Variants in EFR3A observed in about 807,000 individuals in gnomAD.
The protein encoded by EFR3A is protein EFR3 homolog A.
In EFR3A, 76 loss-of-function variants were observed where a neutral mutation model predicts 104.4. That is an observed-to-expected ratio of 0.73 (90% CI 0.60 to 0.88). The LOEUF is 0.88. EFR3A is among the 40% of genes least tolerant of loss of function. The pLI, the probability that EFR3A is intolerant of heterozygous loss-of-function variation, is 0.00. For missense variants in EFR3A, 985 were observed against 1,012.5 expected, an observed-to-expected ratio of 0.97 and a Z score of 0.37; for synonymous variants, 330 against 330.0, an observed-to-expected ratio of 1.00 and a Z score of 0.00.
intron 19 of EFR3A, 85 bp from the exon 20 acceptor site, chr8:132,001,674 C>A: frequency 1.7e-6 from 2 of 1,210,746 alleles, no homozygotes; most frequent in Middle Eastern, 1.9e-4. Flanking sequence ...ATCTGAAAAA[C>A]TTCTTAGATG....
chr8:131,939,221 T>C (rs1248679079), intron 1 of EFR3A, among the ~76,000 whole-genome samples: 1 of 152,110 alleles, frequency 6.6e-6, no homozygotes, highest in Admixed American at 6.6e-5. Flanking sequence ...ATTACATCTA[T>C]TTTTACTGAT....
At chr8:131,952,418 G>A (rs78777613) in intron 5 of EFR3A, among the ~76,000 whole-genome samples, 14,005 of 151,666 alleles carry the variant, frequency 0.092, 831 homozygotes, top group South Asian at 0.22. Context: ...AGCTATAGTA[G>A]CTATTGGTAG....
rs767109667 is a variant in EFR3A, at chr8:131,940,490, T to TC, written c.11-9_11-8insC. ...TATCTGTATTTCTTGATTTTTTTTT[T>TC]TTTAACAGGAGTATGCTGCTGCTGT... On this transcript the variant is annotated splice_polypyrimidine_tract_variant and intron_variant, in intron 1 of 22. Coordinates refer to ENST00000254624, the MANE Select transcript of EFR3A (RefSeq NM_015137.6). 6.3e-7 allele frequency: 1 copy of TC among 1,577,442 alleles called. No individual in the cohort carries two copies.
chr8:132,009,285 A>G (rs917455257), intron 22 of EFR3A, among the ~76,000 whole-genome samples: 3 of 152,098 alleles, frequency 2.0e-5, no homozygotes, highest in Admixed American at 1.3e-4. Flanking sequence ...ATATAAATGG[A>G]AACATCTTAT....
intron 2 of EFR3A, 136 bp from the exon 3 acceptor site, chr8:131,944,609 G>T: frequency 1.2e-6 from 1 of 840,600 alleles, no homozygotes; most frequent in Non-Finnish European, 1.8e-6. Flanking sequence ...GCACTAAGGA[G>T]GTTATGTGCA....
intron 1 of EFR3A, among the ~76,000 whole-genome samples, chr8:131,910,539 C>T (rs774701793): frequency 4.6e-5 from 7 of 152,210 alleles, no homozygotes; most frequent in Non-Finnish European, 1.0e-4. Context: ...TCGCAAAGGG[C>T]TGGAATTACA....
chr8:131,936,804 A>G (rs1005673272), intron 1 of EFR3A, among the ~76,000 whole-genome samples: 15 of 152,070 alleles, frequency 9.9e-5, no homozygotes, highest in Admixed American at 9.8e-4. Context: ...GCTTCCATAT[A>G]TATTTGCTCC....
At chr8:131,961,862 T>C (rs979408707) in intron 8 of EFR3A, among the ~76,000 whole-genome samples, 94 of 152,328 alleles carry the variant, frequency 6.2e-4, no homozygotes, top group South Asian at 1.7e-3. Context: ...GCGGATCTCT[T>C]GGCAGAAACT....
At position 131,910,593 on chromosome 8, in the gene EFR3A, A is replaced by G. The variant is rs534533546; in HGVS notation, c.10+6271A>G. Among the ~76,000 whole-genome samples, 37 of 152,320 alleles carry G rather than the reference A, an allele frequency of 2.4e-4. No homozygotes were observed. In the South Asian group the frequency reaches 7.2e-3, roughly 30 times the overall value. On this transcript the variant is annotated intron_variant, in intron 1 of 22. Transcript: ENST00000254624. ...CAGTCTTTCTCTGGTTTTCTAGGGC[A>G]GTGATTTTCAGTTATCACTACTCCA...
At chr8:131,989,456 A>G (rs971555698) in intron 18 of EFR3A, among the ~76,000 whole-genome samples, 2 of 152,196 alleles carry the variant, frequency 1.3e-5, no homozygotes, top group African/African-American at 4.8e-5. Context: ...TGTAATTCTC[A>G]TAATGGTTTG....
At chr8:131,960,665 A>G (rs921315266) in intron 8 of EFR3A, among the ~76,000 whole-genome samples, 1 of 152,178 alleles carries the variant, frequency 6.6e-6, no homozygotes, top group African/African-American at 2.4e-5. Context: ...CCCTCTCTCC[A>G]TAAAACAAAC....
chr8:131,992,627 A>T (rs910955824), intron 18 of EFR3A, among the ~76,000 whole-genome samples: 41 of 152,198 alleles, frequency 2.7e-4, no homozygotes, highest in African/African-American at 9.4e-4. Context: ...TTGGAGTAAT[A>T]TTTAACACTT....
chr8:132,001,974 G>A (rs756963459), intron 20 of EFR3A, among the ~76,000 whole-genome samples, 167 bp downstream of exon 20: 6 of 152,152 alleles, frequency 3.9e-5, no homozygotes, highest in Non-Finnish European at 8.8e-5. Flanking sequence ...TTAGGCTTCA[G>A]AATTGTCTTG....
chr8:131,998,366 GTT>G (rs1202394328), intron 19 of EFR3A, among the ~76,000 whole-genome samples: 1 of 151,738 alleles, frequency 6.6e-6, no homozygotes, highest in Non-Finnish European at 1.5e-5. Flanking sequence ...ATTATTTATA[GTT>G]TTATATGTAT....
At position 131,950,018 on chromosome 8, in the gene EFR3A, G is replaced by A. The variant is rs770310962; in HGVS notation, c.416G>A (p.Arg139His). 22 of 1,606,974 alleles carry A rather than the reference G, an allele frequency of 1.4e-5. No individual in the cohort carries two copies. Among genetic ancestry groups the A allele is most frequent in the South Asian group, 2.2e-5 (2 of 89,488 alleles). ...IEEDTPSYHR[R>H]YDFFVSRFSA... The stretch of plus-strand genomic sequence containing the variant: ...GAAGACACACCATCCTATCACAGAC[G>A]TTATGACTTTTTTGTGTCTCGATTC... Residue 139 changes from arginine to histidine, a missense_variant, in exon 5 of 23, where the codon CGT (arginine) becomes CAT (histidine). By Grantham distance (29) the Arg-to-His change is conservative. Coordinates refer to ENST00000254624, the MANE Select transcript of EFR3A (RefSeq NM_015137.6).
chr8:131,929,755 G>GT (rs770311965), intron 1 of EFR3A, among the ~76,000 whole-genome samples: 2 of 152,084 alleles, frequency 1.3e-5, no homozygotes, highest in Non-Finnish European at 2.9e-5. Context: ...AGGCACATTT[G>GT]TTTTTTGGTT....
At chr8:132,009,145 A>G (rs1027847480) in intron 22 of EFR3A, among the ~76,000 whole-genome samples, 3 of 152,084 alleles carry the variant, frequency 2.0e-5, no homozygotes, top group African/African-American at 4.8e-5. Flanking sequence ...AAATAATTAT[A>G]TGAAATTAAT....
chr8:131,968,847 T>C lies in EFR3A; in HGVS notation c.991+417T>C, dbSNP rs79848246. Among the ~76,000 whole-genome samples the C allele has an allele frequency of 3.9e-3, 589 of 152,288 alleles. 3 individuals carry two copies. The highest frequency in any genetic ancestry group is 0.014 in the African/African-American group (569 of 41,564). ...GATTAGGATTAGCACAAGCAAAATT[T>C]TATGTGGCCCATTTTGGGTAGAATG... is the stretch of plus-strand genomic sequence containing the variant. On this transcript the variant is annotated intron_variant, in intron 9 of 22. Transcript: ENST00000254624.
rs931036953 is a variant in EFR3A, at chr8:131,984,122, C to T, written c.1576-17C>T. The T allele has an allele frequency of 3.2e-6, 5 of 1,580,986 alleles. No individual in the cohort carries two copies. Among genetic ancestry groups the T allele is most frequent in the Non-Finnish European group, 3.4e-6 (4 of 1,166,592 alleles). On this transcript the variant is annotated splice_polypyrimidine_tract_variant and intron_variant, in intron 14 of 22. Coordinates refer to ENST00000254624, the MANE Select transcript of EFR3A (RefSeq NM_015137.6). The stretch of plus-strand genomic sequence containing the variant: ...TTTTAAGCAAAATTACCTTTGTCCT[C>T]TGTCTTTTCTCCTCAGAATGGGCAA...
Sources: allele counts gnomAD v4.1 joint callset (sites outside exome capture counted in the v4.1 genomes callset), GRCh38; gene constraint gnomAD v4.1.1; transcripts MANE v1.5; gene names NCBI Gene and HGNC (gene_info 2026-07-23, HGNC 2026-07-21).